Variants in GSE1 observed in about 807,000 individuals in gnomAD.
GSE1 encodes Gse1 coiled-coil protein.
GSE1 carries 32 observed loss-of-function variants against 112.6 expected under a neutral mutation model. That is an observed-to-expected ratio of 0.28 (90% CI 0.21 to 0.38). GSE1 has a LOEUF of 0.38. Ranked by LOEUF, GSE1 falls within the 10% of genes least tolerant of loss-of-function variation. The pLI, the probability that GSE1 is intolerant of heterozygous loss-of-function variation, is 1.00. For synonymous variants in GSE1, 1,115 were observed against 735.6 expected (o/e 1.52, Z -8.35); for missense variants, 2,348 against 1,699.2 (o/e 1.38, Z -6.71).
chr16:85,479,690 C>T, intron 2 of GSE1, among the ~76,000 whole-genome samples: 1 of 152,160 alleles, frequency 6.6e-6, no homozygotes, highest in East Asian at 1.9e-4. Flanking sequence ...TGCAGGAAAC[C>T]TCCTGTTGGT....
intron 1 of GSE1, among the ~76,000 whole-genome samples, chr16:85,281,809 A>G (rs369097749): frequency 1.3e-5 from 2 of 152,106 alleles, no homozygotes; most frequent in African/African-American, 2.4e-5. Flanking sequence ...CAAGCTTATC[A>G]TTGCCACTCT....
At chr16:85,241,193 G>A (rs1206311787) in intron 1 of GSE1, among the ~76,000 whole-genome samples, 2 of 136,116 alleles carry the variant, frequency 1.5e-5, no homozygotes, top group Non-Finnish European at 3.2e-5. Context: ...GCTCGGCTGC[G>A]AGACCTTGGG....
In GSE1 at chr16:85,647,650, G is replaced by A. The variant is rs534731213; in HGVS notation, c.227-902G>A. ...TCGCCAGGCTGGAGTGCGGCAGCAC[G>A]ATCTCTGCTCACCAGAACCTCCGCC... On this transcript the variant is annotated intron_variant, in intron 2 of 15. Coordinates refer to ENST00000253458, the MANE Select transcript of GSE1 (RefSeq NM_014615.5). Among the ~76,000 whole-genome samples the A allele has an allele frequency of 9.2e-5, 14 of 152,224 alleles. No homozygotes were observed. The East Asian group carries it at 2.5e-3, about 28-fold the overall frequency.
intron 2 of GSE1, among the ~76,000 whole-genome samples, chr16:85,364,636 T>C (rs1000250356): frequency 1.3e-5 from 2 of 152,162 alleles, no homozygotes; most frequent in Non-Finnish European, 2.9e-5. Context: ...CAGAGTGCCC[T>C]GATGTCCCAT....
At chr16:85,615,847 G>A (rs1037579268) in intron 1 of GSE1, among the ~76,000 whole-genome samples, 3 of 152,344 alleles carry the variant, frequency 2.0e-5, no homozygotes, top group South Asian at 2.1e-4. Context: ...GGGTCTGGGG[G>A]TTGTCAGAGC....
chr16:85,523,088 TG>T (rs1222263826), intron 2 of GSE1, among the ~76,000 whole-genome samples: 6 of 151,870 alleles, frequency 4.0e-5, no homozygotes, highest in Middle Eastern at 3.4e-3. Context: ...GTGTGTGGCC[TG>T]TGTGTGTTGT....
exon 1 of GSE1, chr16:85,556,220 A>G: frequency 1.0e-6 from 1 of 983,566 alleles, no homozygotes; most frequent in African/African-American, 1.8e-5. Context: ...TGTTTTGGAC[A>G]TTTTTGAGCG....
intron 2 of GSE1, among the ~76,000 whole-genome samples, chr16:85,422,257 C>T (rs1194333823): frequency 6.6e-6 from 1 of 152,148 alleles, no homozygotes; most frequent in Admixed American, 6.5e-5. Context: ...ACATTATCGG[C>T]ATGAATAAAA....
intron 2 of GSE1, among the ~76,000 whole-genome samples, chr16:85,385,604 G>T (rs562840992): frequency 4.0e-4 from 61 of 152,314 alleles, no homozygotes; most frequent in African/African-American, 1.4e-3. Context: ...AGCAAGTCCC[G>T]TGGCACCCCC....
intron 1 of GSE1, among the ~76,000 whole-genome samples, chr16:85,173,323 A>C (rs1366342734): frequency 6.6e-6 from 1 of 152,198 alleles, no homozygotes; most frequent in Non-Finnish European, 1.5e-5. Flanking sequence ...TTCTCTTGCT[A>C]AGTACCTGTG....
exon 1 of GSE1, chr16:85,170,692 G>A (rs1042312087): frequency 7.1e-6 from 7 of 985,614 alleles, no homozygotes; most frequent in African/African-American, 5.2e-5. Context: ...GCAGAAGCAG[G>A]AGAAGCTGGC....
chr16:85,255,036 A>G (rs576641449), intron 1 of GSE1, among the ~76,000 whole-genome samples: 158 of 152,166 alleles, frequency 1.0e-3, no homozygotes, highest in African/African-American at 3.6e-3. Flanking sequence ...CTCTGCAGGG[A>G]CCCGCCACCC....
intron 1 of GSE1, among the ~76,000 whole-genome samples, chr16:85,298,982 GCCTGCCT>G (rs1215909970): frequency 6.6e-6 from 1 of 152,180 alleles, no homozygotes; most frequent in Non-Finnish European, 1.5e-5. Context: ...ACACGGGCCA[GCCTGCCT>G]GTCTGGAATG....
chr16:85,604,775 A>G, intron 1 of GSE1, among the ~76,000 whole-genome samples: 1 of 508 alleles, frequency 2.0e-3, no homozygotes, highest in African/African-American at 8.2e-3. Flanking sequence ...AAAAAAAAAA[A>G]TATATATATA....
rs373687999 is a variant in GSE1 at position 85,657,260 on chromosome 16, C to T, written c.1313-17C>T. 31 of 1,507,116 alleles carry T rather than the reference C, an allele frequency of 2.1e-5. No homozygotes were observed. In the South Asian group the frequency reaches 2.9e-4, roughly 14 times the overall value. 93.4% of individuals were successfully genotyped at this position (1,507,116 alleles called of 1,614,324 possible). A position where few individuals can be genotyped will look rare whatever the true frequency, so the allele number is the denominator to read the frequency against. On this transcript the variant is annotated splice_polypyrimidine_tract_variant and intron_variant, in intron 7 of 15. Transcript: ENST00000253458. ...CCACGTGGCTGAGATCCTGCTTGAC[C>T]GTGTTTCCCCCCACAGAGAAGCTGA...
chr16:85,604,294 C>T (rs754764017), intron 1 of GSE1, among the ~76,000 whole-genome samples: 7 of 152,204 alleles, frequency 4.6e-5, no homozygotes, highest in Non-Finnish European at 5.9e-5. Flanking sequence ...CATCCAGCAT[C>T]GTGTCTTCAA....
At chr16:85,294,131 TGTTCCAGCTG>T (rs2045297566) in intron 1 of GSE1, among the ~76,000 whole-genome samples, 3 of 152,198 alleles carry the variant, frequency 2.0e-5, no homozygotes, top group Non-Finnish European at 4.4e-5. Context: ...CCAGGTGGCC[TGTTCCAGCTG>T]GCATCTCTCC....
chr16:85,586,475 C>T (rs1292487321), intron 1 of GSE1, among the ~76,000 whole-genome samples: 3 of 152,200 alleles, frequency 2.0e-5, no homozygotes, highest in African/African-American at 7.2e-5. Flanking sequence ...GTTTCATGAG[C>T]GTCATCATCG....
chr16:85,619,246 C>G (rs1180260158), intron 1 of GSE1, among the ~76,000 whole-genome samples: 2 of 152,220 alleles, frequency 1.3e-5, no homozygotes, highest in East Asian at 3.8e-4. Flanking sequence ...CAAACTGTCC[C>G]TCCCCCAGCC....
Sources: gnomAD v4.1 joint callset for allele counts (sites outside exome capture counted in the v4.1 genomes callset) on GRCh38, gnomAD v4.1.1 for gene constraint, MANE v1.5 for transcripts, NCBI Gene and HGNC (gene_info 2026-07-23, HGNC 2026-07-21) for gene names.